SLC26A7: variants seen among roughly 807,000 people sequenced by gnomAD.
SLC26A7 encodes the protein solute carrier family 26 member 7.
A neutral mutation model predicts 82.5 loss-of-function variants in SLC26A7; 59 were observed. That is an observed-to-expected ratio of 0.72 (90% CI 0.58 to 0.89). SLC26A7 has a LOEUF of 0.89. Ranked by LOEUF, SLC26A7 falls within the 40% of genes least tolerant of loss-of-function variation. SLC26A7 has a pLI of 0.00. For synonymous variants in SLC26A7, 271 were observed against 274.3 expected, an observed-to-expected ratio of 0.99 and a Z score of 0.12; for missense variants, 820 against 793.0, an observed-to-expected ratio of 1.03 and a Z score of -0.41.
intron 15 of SLC26A7, among the ~76,000 whole-genome samples, chr8:91,379,969 G>A (rs920664603): frequency 2.6e-5 from 4 of 151,838 alleles, no homozygotes; most frequent in African/African-American, 9.7e-5. Context: ...AGAAAAATAA[G>A]CAAAAAACAT....
chr8:91,355,993 C>T (rs956122426), intron 11 of SLC26A7, among the ~76,000 whole-genome samples: 1 of 151,972 alleles, frequency 6.6e-6, no homozygotes, highest in African/African-American at 2.4e-5. Flanking sequence ...TTTTTTTGTC[C>T]TTGCGATAGT....
chr8:91,394,629 C>T (rs906065334), intron 18 of SLC26A7: 9 of 1,139,808 alleles, frequency 7.9e-6, no homozygotes, highest in South Asian at 5.9e-5. Flanking sequence ...TTTGGTGCCT[C>T]GCAGAGTCAT....
chr8:91,377,659 CA>C (rs34989442), intron 15 of SLC26A7, among the ~76,000 whole-genome samples: 24 of 152,288 alleles, frequency 1.6e-4, no homozygotes, highest in Non-Finnish European at 3.4e-4. Flanking sequence ...TTGCCACCAA[CA>C]GCATTGCACA....
At chr8:91,382,015 A>T (rs1057207535) in intron 15 of SLC26A7, among the ~76,000 whole-genome samples, 2 of 152,166 alleles carry the variant, frequency 1.3e-5, no homozygotes, top group African/African-American at 4.8e-5. Flanking sequence ...AATACCCAGT[A>T]TGTATGTGCA....
chr8:91,267,923 C>T (rs1424165463), intron 2 of SLC26A7, among the ~76,000 whole-genome samples: 2 of 151,596 alleles, frequency 1.3e-5, no homozygotes, highest in Non-Finnish European at 3.0e-5. Flanking sequence ...TTGCTGTATC[C>T]TACAGGTTTT....
chr8:91,275,713 G>T (rs1383287047), intron 2 of SLC26A7, among the ~76,000 whole-genome samples: 1 of 152,172 alleles, frequency 6.6e-6, no homozygotes, highest in African/African-American at 2.4e-5. Context: ...GAATGGCACT[G>T]TGCAAAGAGA....
chr8:91,253,756 A>G (rs1291992022), intron 2 of SLC26A7, among the ~76,000 whole-genome samples: 1 of 152,030 alleles, frequency 6.6e-6, no homozygotes, highest in Admixed American at 6.6e-5. Context: ...AGGCCTTAAC[A>G]TATTGTATTA....
chr8:91,314,780 G>A (rs905378170), intron 4 of SLC26A7, among the ~76,000 whole-genome samples: 1 of 152,164 alleles, frequency 6.6e-6, no homozygotes, highest in Non-Finnish European at 1.5e-5. Context: ...ATGTATACAA[G>A]TAGAATGTTA....
chr8:91,272,733 A>C (rs1406120410), intron 2 of SLC26A7, among the ~76,000 whole-genome samples: 2 of 152,232 alleles, frequency 1.3e-5, no homozygotes, highest in African/African-American at 2.4e-5. Flanking sequence ...TGTATGACAC[A>C]GAAAAAGAGT....
chr8:91,213,462 C>T (rs146306917), intron 1 of SLC26A7, among the ~76,000 whole-genome samples: 39 of 152,252 alleles, frequency 2.6e-4, no homozygotes, highest in Middle Eastern at 6.8e-3. Context: ...TGTGGCATGG[C>T]AGTGATAAAT....
chr8:91,314,343 A>G (rs1166023338), intron 4 of SLC26A7, among the ~76,000 whole-genome samples: 1 of 152,138 alleles, frequency 6.6e-6, no homozygotes, highest in African/African-American at 2.4e-5. Context: ...ACATGGTTCA[A>G]TCTGTGGGCC....
chr8:91,284,198 C>G (rs1312120567), intron 2 of SLC26A7, among the ~76,000 whole-genome samples: 1 of 152,094 alleles, frequency 6.6e-6, no homozygotes, highest in African/African-American at 2.4e-5. Flanking sequence ...GTGGTAATTT[C>G]TCTGTCATTG....
At chr8:91,253,039 C>T (rs1810702785) in intron 2 of SLC26A7, among the ~76,000 whole-genome samples, 1 of 152,058 alleles carries the variant, frequency 6.6e-6, no homozygotes, top group African/African-American at 2.4e-5. Context: ...GTCTTCAAAA[C>T]AAACTGAATG....
chr8:91,303,026 T>G (rs776765971), intron 4 of SLC26A7, among the ~76,000 whole-genome samples: 2 of 152,156 alleles, frequency 1.3e-5, no homozygotes, highest in Non-Finnish European at 2.9e-5. Flanking sequence ...TAAGGCACGT[T>G]GTCTCATAAG....
At chr8:91,381,296 T>A (rs1459434989) in intron 15 of SLC26A7, among the ~76,000 whole-genome samples, 1 of 152,054 alleles carries the variant, frequency 6.6e-6, no homozygotes, top group African/African-American at 2.4e-5. Flanking sequence ...TAGTATAATA[T>A]CAATTGAATT....
At chr8:91,271,917 C>A (rs148437323) in intron 2 of SLC26A7, among the ~76,000 whole-genome samples, 1 of 152,106 alleles carries the variant, frequency 6.6e-6, no homozygotes, top group Non-Finnish European at 1.5e-5. Context: ...GAAAGTTAGT[C>A]CTTCACAAAA....
At chr8:91,284,310 C>T (rs1265512948) in intron 2 of SLC26A7, among the ~76,000 whole-genome samples, 1 of 152,166 alleles carries the variant, frequency 6.6e-6, no homozygotes, top group African/African-American at 2.4e-5. Context: ...TAGAAGCAGG[C>T]TGGGAGTATA....
In SLC26A7 at chr8:91,370,190, A is replaced by G. The variant is rs142816529; in HGVS notation, c.1675+357A>G. 7.4e-5 allele frequency among the ~76,000 whole-genome samples: 6 copies of G among 80,968 alleles called. No homozygotes were observed. The South Asian group carries it at 1.1e-3, about 15-fold the overall frequency. 53.1% of individuals were successfully genotyped at this position (80,968 alleles called of 152,430 possible). A position where few individuals can be genotyped will look rare whatever the true frequency, so the allele number is the denominator to read the frequency against. On this transcript the variant is annotated intron_variant, in intron 15 of 18. Coordinates refer to ENST00000276609, the MANE Select transcript of SLC26A7 (RefSeq NM_052832.4). ...TTCTTCTTTCCTTCTTTTTTTTTCT[A>G]TTTTCTCCTCCTTTCTCTCTTTATT...
At chr8:91,292,458 C>A (rs1434759498) in intron 3 of SLC26A7, among the ~76,000 whole-genome samples, 2 of 152,124 alleles carry the variant, frequency 1.3e-5, no homozygotes, top group East Asian at 3.8e-4. Flanking sequence ...ACAGAACTTA[C>A]TTCTCTTTAA....
Sources: gnomAD v4.1 joint callset for allele counts (sites outside exome capture counted in the v4.1 genomes callset) on GRCh38, gnomAD v4.1.1 for gene constraint, MANE v1.5 for transcripts, NCBI Gene and HGNC (gene_info 2026-07-23, HGNC 2026-07-21) for gene names.